Variants in PDK1 observed in about 807,000 individuals in gnomAD.
PDK1 encodes [Pyruvate dehydrogenase (acetyl-transferring)] kinase isozyme 1, mitochondrial.
In PDK1, 39 loss-of-function variants were observed where a neutral mutation model predicts 54.2. That is an observed-to-expected ratio of 0.72 (90% CI 0.56 to 0.94). PDK1 has a LOEUF of 0.94. Ranked by LOEUF, PDK1 falls within the 40% of genes least tolerant of loss-of-function variation. The pLI, the probability that PDK1 is intolerant of heterozygous loss-of-function variation, is 0.00. For missense variants in PDK1, 552 were observed against 566.0 expected, an observed-to-expected ratio of 0.98 and a Z score of 0.25; for synonymous variants, 221 against 207.1, an observed-to-expected ratio of 1.07 and a Z score of -0.58.
the PDK1 span, among the ~76,000 whole-genome samples, chr2:172,686,261 G>C: frequency 4.6e-5 from 7 of 152,212 alleles, no homozygotes; most frequent in Non-Finnish European, 7.3e-5. Context: ...GAGAAGTGAA[G>C]CCAGCTGGAT....
intron 1 of PDK1, chr2:172,556,615 C>G: frequency 3.0e-6 from 1 of 337,064 alleles, no homozygotes; most frequent in Non-Finnish European, 5.4e-6. Flanking sequence ...CGCCTCCCGG[C>G]GCACGTGTGC....
the PDK1 span, among the ~76,000 whole-genome samples, chr2:172,698,774 TG>T: frequency 6.6e-6 from 1 of 152,220 alleles, no homozygotes; most frequent in Non-Finnish European, 1.5e-5. Context: ...TAGAACCACG[TG>T]AGGAGGTATT....
At chr2:172,690,961 G>T in the PDK1 span, among the ~76,000 whole-genome samples, 1 of 149,994 alleles carries the variant, frequency 6.7e-6, no homozygotes, top group African/African-American at 2.4e-5. Context: ...AAACCTGCAC[G>T]TTGTGCACAT....
chr2:172,589,184 C>A (rs1048828865), intron 9 of PDK1, among the ~76,000 whole-genome samples: 3 of 152,208 alleles, frequency 2.0e-5, no homozygotes, highest in Admixed American at 2.0e-4. Context: ...GCCTGAACCA[C>A]CTGCTCATAC....
the PDK1 span, among the ~76,000 whole-genome samples, chr2:172,701,125 A>G: frequency 7.2e-5 from 11 of 152,130 alleles, no homozygotes; most frequent in African/African-American, 2.7e-4. Flanking sequence ...TGGTGTTAGA[A>G]GTCATGGCTT....
chr2:172,611,534 C>T (rs1179947144), downstream of PDK1, among the ~76,000 whole-genome samples: 1 of 151,954 alleles, frequency 6.6e-6, no homozygotes, highest in Non-Finnish European at 1.5e-5. Context: ...GAAAATAGAA[C>T]AGGAGGGAAA....
At chr2:172,633,211 TA>T in the PDK1 span, among the ~76,000 whole-genome samples, 88,698 of 144,930 alleles carry the variant, frequency 0.61, 26,858 homozygotes, top group East Asian at 0.75. Context: ...CTTGGCTAAT[TA>T]AAAAAAATTT....
upstream of PDK1, chr2:172,555,677 T>C (rs1574450529): frequency 6.5e-6 from 1 of 152,732 alleles, no homozygotes; most frequent in East Asian, 1.9e-4. Flanking sequence ...GCCCTGTCCT[T>C]GAGCCTTTTG....
chr2:172,668,906 T>G, the PDK1 span, among the ~76,000 whole-genome samples: 1,493 of 130,580 alleles, frequency 0.011, 27 homozygotes, highest in African/African-American at 0.041. Context: ...TATATATATA[T>G]AGAGAGAGAG....
the PDK1 span, among the ~76,000 whole-genome samples, chr2:172,680,231 C>A: frequency 5.7e-4 from 87 of 152,312 alleles, 1 homozygote; most frequent in East Asian, 0.014. Context: ...TGCAAGCTCT[C>A]GGAAGGGGCC....
At chr2:172,690,912 G>A in the PDK1 span, among the ~76,000 whole-genome samples, 9,274 of 149,682 alleles carry the variant, frequency 0.062, 1,917 homozygotes, top group East Asian at 0.69. Context: ...GAGTTGATGG[G>A]TACAGCAAAC....
chr2:172,720,305 A>G, the PDK1 span, among the ~76,000 whole-genome samples: 1 of 151,876 alleles, frequency 6.6e-6, no homozygotes, highest in Non-Finnish European at 1.5e-5. Flanking sequence ...AGTAGAGGCG[A>G]GGTTTCACCG....
the PDK1 span, among the ~76,000 whole-genome samples, chr2:172,672,809 A>G: frequency 6.6e-6 from 1 of 152,222 alleles, no homozygotes; most frequent in East Asian, 1.9e-4. Context: ...TGTTCTTTAT[A>G]AGTCGCTCTG....
the PDK1 span, among the ~76,000 whole-genome samples, chr2:172,639,276 C>T: frequency 6.6e-6 from 1 of 152,168 alleles, no homozygotes; most frequent in Non-Finnish European, 1.5e-5. Flanking sequence ...TGTAGCCAGC[C>T]GTGGAGGGAG....
At chr2:172,636,023 AT>A in the PDK1 span, among the ~76,000 whole-genome samples, 2 of 152,180 alleles carry the variant, frequency 1.3e-5, no homozygotes, top group African/African-American at 4.8e-5. Context: ...GCGGCCCCAC[AT>A]GGCGTGGTTT....
chr2:172,693,002 C>T, the PDK1 span, among the ~76,000 whole-genome samples: 26 of 152,318 alleles, frequency 1.7e-4, no homozygotes, highest in East Asian at 5.0e-3. Flanking sequence ...CCAAGTCACC[C>T]TTTAGCACCC....
At chr2:172,647,771 G>A in the PDK1 span, among the ~76,000 whole-genome samples, 1 of 152,156 alleles carries the variant, frequency 6.6e-6, no homozygotes, top group Non-Finnish European at 1.5e-5. Context: ...AATTTGATGA[G>A]AAACAGAATA....
At chr2:172,561,303 T>C (rs1688643055) in intron 2 of PDK1, among the ~76,000 whole-genome samples, 1 of 152,184 alleles carries the variant, frequency 6.6e-6, no homozygotes, top group Non-Finnish European at 1.5e-5. Flanking sequence ...TAAGAGGAAA[T>C]TAAGGGTTAA....
chr2:172,556,274 G>T lies in PDK1; in HGVS notation c.124G>T (p.Val42Phe), dbSNP rs751757496. ...SGSSPASERG[V>F]PGQVDFYARF... ...CTCCAGCCCGGCGTCCGAGCGCGGC[G>T]TTCCGGGCCAGGTGGACTTCTACGC... is the stretch of plus-strand genomic sequence containing the variant. The change falls in exon 1 of 11, where the codon GTT becomes TTT. Residue 42 changes from valine to phenylalanine, a missense_variant. Val to Phe is a conservative substitution (Grantham distance 50). Transcript: ENST00000282077. The T allele has an allele frequency of 2.7e-6, 4 of 1,499,370 alleles. No individual in the cohort carries two copies. In the South Asian group the frequency reaches 3.8e-5, roughly 14 times the overall value. The allele number at this position is 1,499,370 out of a possible 1,614,324, so 92.9% of individuals were successfully genotyped here.
Sources: allele counts gnomAD v4.1 joint callset (sites outside exome capture counted in the v4.1 genomes callset), GRCh38; gene constraint gnomAD v4.1.1; transcripts MANE v1.5; gene names NCBI Gene and HGNC (gene_info 2026-07-23, HGNC 2026-07-21).